Variants in COL4A4 observed in about 807,000 individuals in gnomAD.
COL4A4 encodes collagen alpha-4(IV) chain.
Under a neutral mutation model 192.9 loss-of-function variants are expected in COL4A4, and 105 were observed. That is an observed-to-expected ratio of 0.54 (90% confidence interval 0.46 to 0.64). The LOEUF (loss-of-function observed/expected upper bound fraction) is 0.64. Among genes scored for constraint, COL4A4 ranks in the 30% least tolerant of loss-of-function variants. The probability of loss-of-function intolerance (pLI) is 0.00; values close to 1 mark genes in which losing one functional copy is unlikely to be tolerated. For missense variants in COL4A4, 1,967 were observed against 2,169.3 expected, an observed-to-expected ratio of 0.91 and a Z score of 1.85; for synonymous variants, 762 against 769.9, an observed-to-expected ratio of 0.99 and a Z score of 0.17.
chr2:227,103,525 T>G (rs1317716), intron 13 of COL4A4, among the ~76,000 whole-genome samples: 103,497 of 152,066 alleles, frequency 0.68, 35,286 homozygotes, highest in African/African-American at 0.75. Context: ...AATAGAATCT[T>G]CATGTGGCAC....
In COL4A4 at chr2:227,030,570, C is replaced by T. The variant is rs1342041429; in HGVS notation, c.3846G>A (p.Gly1282=). 2 of 1,610,998 alleles carry T rather than the reference C, an allele frequency of 1.2e-6. No individual in the cohort carries two copies. Among genetic ancestry groups the T allele is most frequent in the Non-Finnish European group, 1.7e-6 (2 of 1,178,718 alleles). The part of the protein sequence containing the change: ...RGAPGPPGLP[G]SVDLLRGEPG... ...GCTCCCCTCTCAGAAGGTCAACACT[C>T]CCAGGGAGGCCTGGAGGCCCAGGTG... Residue 1282 remains glycine, a synonymous_variant, in exon 41 of 48, where the codon GGG becomes GGA. Transcript: ENST00000396625.
At chr2:227,109,409 G>T in intron 9 of COL4A4, 123 bp from the exon 10 acceptor site, 1 of 814,046 alleles carries the variant, frequency 1.2e-6, no homozygotes, top group Non-Finnish European at 2.2e-6. Context: ...CAGCACATCT[G>T]CCCTGCTAGG....
chr2:227,094,096 C>A, intron 20 of COL4A4, 29 bp downstream of exon 20: 1 of 1,602,826 alleles, frequency 6.2e-7, no homozygotes, highest in Non-Finnish European at 8.5e-7. Context: ...AGCATAAATG[C>A]TAATGGATAT....
chr2:227,122,399 C>G (rs932558677), intron 4 of COL4A4, among the ~76,000 whole-genome samples: 7 of 152,214 alleles, frequency 4.6e-5, no homozygotes, highest in African/African-American at 1.7e-4. Flanking sequence ...TGGATGACTG[C>G]ATTAAATAAG....
chr2:227,151,987 C>G (rs2063979716), intron 1 of COL4A4, among the ~76,000 whole-genome samples: 2 of 152,200 alleles, frequency 1.3e-5, no homozygotes, highest in Non-Finnish European at 1.5e-5. Context: ...AACATATATA[C>G]CAAGAGTGAG....
intron 26 of COL4A4, among the ~76,000 whole-genome samples, chr2:227,061,967 C>T (rs930158036): frequency 2.6e-5 from 4 of 152,046 alleles, no homozygotes; most frequent in Non-Finnish European, 4.4e-5. Flanking sequence ...AGGCTGGGTG[C>T]GGTGGCTCAC....
At chr2:227,106,613 T>C (rs2060859753) in intron 12 of COL4A4, among the ~76,000 whole-genome samples, 2 of 152,364 alleles carry the variant, frequency 1.3e-5, no homozygotes, top group South Asian at 2.1e-4. Flanking sequence ...TCACCCAGGC[T>C]GGAGTGAAAT....
At chr2:227,158,106 G>A (rs1239450918) in intron 1 of COL4A4, among the ~76,000 whole-genome samples, 2 of 152,036 alleles carry the variant, frequency 1.3e-5, no homozygotes, top group African/African-American at 4.8e-5. Flanking sequence ...ACTTACACTA[G>A]TCTTGCTAAA....
chr2:227,088,404 A>G (rs1336403327), intron 22 of COL4A4, among the ~76,000 whole-genome samples: 1 of 152,026 alleles, frequency 6.6e-6, no homozygotes, highest in Admixed American at 6.5e-5. Context: ...ATGAGATCTG[A>G]TGGTTTTATA....
chr2:227,161,049 G>A (rs1026530548), intron 1 of COL4A4, among the ~76,000 whole-genome samples: 35 of 152,166 alleles, frequency 2.3e-4, no homozygotes, highest in Non-Finnish European at 4.4e-4. Flanking sequence ...GTAGAGGCTC[G>A]TCCCTCTACA....
Position 227,050,960 on chromosome 2 carries a change from A to G in COL4A4, c.3150+17T>C, listed in dbSNP as rs1973973299. On this transcript the variant is annotated intron_variant, in intron 33 of 47. Transcript: ENST00000396625. ...AGGTTTTATTGTCTCTTCCCCCACA[A>G]AGCAGTAGCCCCTTACCTGGTCACC... is the stretch of plus-strand genomic sequence containing the variant. The G allele has an allele frequency of 6.2e-7, 1 of 1,614,126 alleles. No homozygotes were observed. The highest frequency in any genetic ancestry group is 8.5e-7 in the Non-Finnish European group (1 of 1,179,990).
At chr2:226,997,288 C>G in the COL4A4 span, 9 of 152,218 alleles carry the variant, frequency 5.9e-5, no homozygotes, top group Non-Finnish European at 8.8e-5. Flanking sequence ...TGTTACTGCT[C>G]TCTCCCAAAT....
chr2:227,057,673 G>A (rs976237112), intron 28 of COL4A4, 73 bp from the exon 29 acceptor site: 20 of 1,462,144 alleles, frequency 1.4e-5, no homozygotes, highest in Admixed American at 5.2e-5. Flanking sequence ...AATTGTTCAC[G>A]CATATCAATA....
At chr2:226,993,309 C>T in the COL4A4 span, among the ~76,000 whole-genome samples, 2 of 152,220 alleles carry the variant, frequency 1.3e-5, no homozygotes, top group African/African-American at 2.4e-5. Context: ...GGCCTGGAGT[C>T]AGGGTGCCAC....
chr2:227,142,085 G>T (rs1452229267), intron 3 of COL4A4, among the ~76,000 whole-genome samples: 1 of 62,388 alleles, frequency 1.6e-5, no homozygotes, highest in Non-Finnish European at 3.4e-5. Flanking sequence ...CTTTAAAATA[G>T]ATTAGTAGAT....
At chr2:227,082,051 G>T (rs2150522422) in intron 23 of COL4A4, 64 bp downstream of exon 23, 1 of 1,327,634 alleles carries the variant, frequency 7.5e-7, no homozygotes, top group Non-Finnish European at 1.1e-6. Flanking sequence ...GGAAATTACT[G>T]CAAGAGGAGG....
At chr2:227,074,029 C>T (rs1213114975) in intron 25 of COL4A4, among the ~76,000 whole-genome samples, 1 of 151,764 alleles carries the variant, frequency 6.6e-6, no homozygotes, top group Non-Finnish European at 1.5e-5. Flanking sequence ...GCAAATGCAA[C>T]AAAAACTAAA....
chr2:227,007,270 G>C lies in COL4A4; in HGVS notation c.*55C>G. 6.2e-7 allele frequency: 1 copy of C among 1,611,622 alleles called. No individual in the cohort carries two copies. The highest frequency in any genetic ancestry group is 2.2e-5 in the East Asian group (1 of 44,862). The stretch of plus-strand genomic sequence containing the variant: ...GACATCTCTTAGCACAGTCTAGGAA[G>C]TCTTAGCCCCCTAGGAAGTTTCTCT... On this transcript the variant is annotated 3_prime_UTR_variant, in exon 48 of 48. Coordinates refer to ENST00000396625, the MANE Select transcript of COL4A4 (RefSeq NM_000092.5).
rs75245662 is a variant in COL4A4 at position 227,048,120 on chromosome 2, C to T, written c.3215-571G>A. On this transcript the variant is annotated intron_variant, in intron 34 of 47. Transcript: ENST00000396625. ...TAATGCTTCCAGACACAAGGACCTACATTATGGTTGGGAGCCAGTTTGAAG... is the reference window on the plus strand; with the variant it reads ...TAATGCTTCCAGACACAAGGACCTATATTATGGTTGGGAGCCAGTTTGAAG... Among the ~76,000 whole-genome samples, 875 of 152,196 alleles carry T rather than the reference C, an allele frequency of 5.7e-3. 5 individuals carry two copies. Among genetic ancestry groups the T allele is most frequent in the African/African-American group, 0.02 (839 of 41,514 alleles).
Sources: gnomAD v4.1 joint callset for allele counts (sites outside exome capture counted in the v4.1 genomes callset) on GRCh38, gnomAD v4.1.1 for gene constraint, MANE v1.5 for transcripts, NCBI Gene and HGNC (gene_info 2026-07-23, HGNC 2026-07-21) for gene names.